Variants in ZNF469 observed in about 807,000 individuals in gnomAD.
ZNF469 encodes zinc finger protein 469.
In ZNF469, 1 loss-of-function variant was observed where a neutral mutation model predicts 1.0. The observed-to-expected ratio is 1.00, with a 90% CI of 0.35 to 4.73. ZNF469 has a LOEUF of 4.73. Ranked by LOEUF, ZNF469 falls within the 30% of genes most tolerant of loss-of-function variation. The pLI is 0.16. For missense variants in ZNF469, 6,100 were observed against 5,356.3 expected, an observed-to-expected ratio of 1.14 and a Z score of -4.33; for synonymous variants, 2,703 against 2,363.4, an observed-to-expected ratio of 1.14 and a Z score of -4.17.
the ZNF469 span, among the ~76,000 whole-genome samples, chr16:88,120,693 C>T: frequency 2.6e-5 from 4 of 152,320 alleles, no homozygotes; most frequent in South Asian, 4.1e-4. Context: ...CACCGGGACA[C>T]GTCAGGACAC....
the ZNF469 span, among the ~76,000 whole-genome samples, chr16:88,167,053 C>CTTT: frequency 1.0e-3 from 85 of 82,852 alleles, 4 homozygotes; most frequent in African/African-American, 2.5e-3. Flanking sequence ...CAGGCTTATT[C>CTTT]TTTTTTTTTT....
the ZNF469 span, among the ~76,000 whole-genome samples, chr16:88,344,058 G>A: frequency 6.6e-6 from 1 of 151,986 alleles, no homozygotes; most frequent in Non-Finnish European, 1.5e-5. Context: ...CATAACCCTC[G>A]TCTAATCATG....
the ZNF469 span, among the ~76,000 whole-genome samples, chr16:88,369,952 A>C: frequency 6.6e-6 from 1 of 152,240 alleles, no homozygotes; most frequent in Non-Finnish European, 1.5e-5. Context: ...ACTTGGGCTG[A>C]GGCCACTGCT....
chr16:88,387,899 G>A (rs189393129), intron 1 of ZNF469, among the ~76,000 whole-genome samples: 3 of 152,346 alleles, frequency 2.0e-5, no homozygotes, highest in African/African-American at 7.2e-5. Context: ...CCTCCAATCA[G>A]GGTGGGTGGC....
At position 88,429,173 on chromosome 16, in the gene ZNF469, C is replaced by T. The variant is rs1285699924; in HGVS notation, c.1703C>T (p.Pro568Leu). 1 of 1,549,898 alleles carries T rather than the reference C, an allele frequency of 6.5e-7. No individual in the cohort carries two copies. The highest frequency in any genetic ancestry group is 2.0e-5 in the Admixed American group (1 of 51,006). The stretch of plus-strand genomic sequence containing the variant: ...CCCCTGTTCTTCGGGGTGGCCCAGC[C>T]CCAGGTTTCACCCCACGGGACACCC... ...AQPLFFGVAQ[P>L]QVSPHGTPSL... The change falls in exon 3 of 3, where the codon CCC becomes CTC. Residue 568 changes from proline to leucine, a missense_variant. Coordinates refer to ENST00000565624, the MANE Select transcript of ZNF469 (RefSeq NM_001367624.2).
At chr16:88,280,309 AG>A in the ZNF469 span, among the ~76,000 whole-genome samples, 1 of 151,960 alleles carries the variant, frequency 6.6e-6, no homozygotes, top group Non-Finnish European at 1.5e-5. Context: ...AGTATCGTGT[AG>A]ATATCAGTGC....
rs749570458 is a variant in ZNF469 at position 88,437,273 on chromosome 16, G to A, written c.9803G>A (p.Gly3268Asp). The part of the protein sequence containing the change: ...QEGEAKKDSP[G>D]ERAKPRARST... ...GGAGAAGCCAAGAAAGACAGCCCGGGCGAGAGGGCGAAACCCCGGGCACGC... is the reference window on the plus strand; with the variant it reads ...GGAGAAGCCAAGAAAGACAGCCCGGACGAGAGGGCGAAACCCCGGGCACGC... The change falls in exon 3 of 3, where the codon GGC becomes GAC. Residue 3268 changes from glycine (G) to aspartate (D), a missense_variant. Transcript: ENST00000565624. 7.8e-6 allele frequency: 12 copies of A among 1,548,388 alleles called. No individual in the cohort carries two copies. In the East Asian group the frequency reaches 1.5e-4, roughly 19 times the overall value.
the ZNF469 span, among the ~76,000 whole-genome samples, chr16:88,230,045 C>A: frequency 6.6e-6 from 1 of 152,208 alleles, no homozygotes; most frequent in Non-Finnish European, 1.5e-5. Context: ...CGGGAAGGCT[C>A]AGACTGTTTC....
chr16:88,351,311 G>A, the ZNF469 span, among the ~76,000 whole-genome samples: 2 of 152,178 alleles, frequency 1.3e-5, no homozygotes, highest in African/African-American at 2.4e-5. Context: ...CAATGAGGAC[G>A]TTAAATGCTG....
chr16:88,274,091 C>T, the ZNF469 span, among the ~76,000 whole-genome samples: 1 of 152,236 alleles, frequency 6.6e-6, no homozygotes, highest in African/African-American at 2.4e-5. Flanking sequence ...GCGTGAGCCA[C>T]CGCGCCTGGC....
chr16:88,257,575 A>G, the ZNF469 span, among the ~76,000 whole-genome samples: 1 of 152,174 alleles, frequency 6.6e-6, no homozygotes, highest in East Asian at 1.9e-4. Flanking sequence ...GGATCTAAAA[A>G]GTCATTGCCA....
the ZNF469 span, among the ~76,000 whole-genome samples, chr16:88,274,554 T>C: frequency 6.6e-6 from 1 of 152,204 alleles, no homozygotes; most frequent in African/African-American, 2.4e-5. Context: ...GACAGGCTGG[T>C]GTCCGGGCGG....
At chr16:88,261,749 C>G in the ZNF469 span, among the ~76,000 whole-genome samples, 1 of 152,284 alleles carries the variant, frequency 6.6e-6, no homozygotes, top group Middle Eastern at 3.4e-3. The surrounding 1 kb of genome is among the most constrained non-coding windows in gnomAD (Gnocchi z 6.0). Flanking sequence ...TGGGGGCTGC[C>G]TCGGTTAACT....
At chr16:88,260,187 C>T in the ZNF469 span, among the ~76,000 whole-genome samples, 1 of 151,074 alleles carries the variant, frequency 6.6e-6, no homozygotes, top group Admixed American at 6.6e-5. This position sits in a 1 kb window ranked among gnomAD's most constrained non-coding sequence, Gnocchi z 4.1. Context: ...CAGGGTTTTA[C>T]CATATTGGTC....
At chr16:88,281,734 C>T in the ZNF469 span, among the ~76,000 whole-genome samples, 1 of 151,240 alleles carries the variant, frequency 6.6e-6, no homozygotes, top group Non-Finnish European at 1.5e-5. Flanking sequence ...TGCTGTGCCA[C>T]ACTGACGCTT....
At chr16:88,238,486 C>G in the ZNF469 span, among the ~76,000 whole-genome samples, 18 of 152,078 alleles carry the variant, frequency 1.2e-4, no homozygotes. Flanking sequence ...GATAGATAGA[C>G]CCCAGATAGA....
At chr16:88,115,835 C>T in the ZNF469 span, among the ~76,000 whole-genome samples, 1 of 152,244 alleles carries the variant, frequency 6.6e-6, no homozygotes, top group Admixed American at 6.5e-5. Context: ...CCTCTCCCAG[C>T]TCCTGGGCAC....
chr16:88,239,662 TTTTTGTATATA>T, the ZNF469 span, among the ~76,000 whole-genome samples: 3 of 95,408 alleles, frequency 3.1e-5, no homozygotes, highest in African/African-American at 1.1e-4. Context: ...TTATTTTTTT[TTTTTGTATATA>T]TATATATATA....
At chr16:88,295,461 A>C in the ZNF469 span, among the ~76,000 whole-genome samples, 422 of 66,484 alleles carry the variant, frequency 6.3e-3, no homozygotes, top group Middle Eastern at 0.024. Context: ...GGCTCAGGGT[A>C]TGGGGAGGAC....
Sources: allele counts gnomAD v4.1 joint callset (sites outside exome capture counted in the v4.1 genomes callset), GRCh38; gene constraint gnomAD v4.1.1; non-coding constraint Gnocchi (gnomAD v3.1); transcripts MANE v1.5; gene names NCBI Gene and HGNC (gene_info 2026-07-23, HGNC 2026-07-21).